RHOBTB1: variants seen among roughly 807,000 people sequenced by gnomAD.
The protein encoded by RHOBTB1 is rho-related BTB domain-containing protein 1.
A neutral mutation model predicts 71.6 loss-of-function variants in RHOBTB1; 40 were observed. The ratio of observed to expected loss-of-function variants is 0.56; its 90% CI spans 0.43 to 0.73. The LOEUF (loss-of-function observed/expected upper bound fraction) is 0.73, where lower values mean the gene tolerates loss of function less well. Ranked by LOEUF, RHOBTB1 falls within the 30% of genes least tolerant of loss-of-function variation. The pLI, the probability that RHOBTB1 is intolerant of heterozygous loss-of-function variation, is 0.00. For synonymous variants in RHOBTB1, 319 were observed against 334.9 expected, an observed-to-expected ratio of 0.95 and a Z score of 0.52; for missense variants, 797 against 894.0, an observed-to-expected ratio of 0.89 and a Z score of 1.38.
chr10:60,932,094 G>A (rs1230633339), intron 2 of RHOBTB1, among the ~76,000 whole-genome samples: 1 of 152,078 alleles, frequency 6.6e-6, no homozygotes, highest in African/African-American at 2.4e-5. Context: ...CAGATTTGTT[G>A]GTATGCATGC....
upstream of RHOBTB1, among the ~76,000 whole-genome samples, chr10:61,001,681 A>G (rs1372800651): frequency 6.6e-6 from 1 of 151,940 alleles, no homozygotes; most frequent in Non-Finnish European, 1.5e-5. Flanking sequence ...CCCAACGCCT[A>G]GGCGGTCCCG....
At chr10:60,927,591 G>A (rs2083962044) in intron 2 of RHOBTB1, among the ~76,000 whole-genome samples, 1 of 152,106 alleles carries the variant, frequency 6.6e-6, no homozygotes, top group Non-Finnish European at 1.5e-5. Flanking sequence ...TTTGACAAAG[G>A]TGCTGAGAAC....
intron 1 of RHOBTB1, among the ~76,000 whole-genome samples, chr10:60,988,369 T>C (rs889990107): frequency 5.3e-5 from 8 of 152,190 alleles, no homozygotes; most frequent in Non-Finnish European, 8.8e-5. Flanking sequence ...ATAGATATAA[T>C]GTGTGATGCT....
chr10:60,955,566 A>T (rs905432464), intron 2 of RHOBTB1, among the ~76,000 whole-genome samples: 6 of 152,198 alleles, frequency 3.9e-5, no homozygotes, highest in African/African-American at 1.4e-4. Context: ...GCTAGCTATC[A>T]TTACAAAGCA....
Position 60,880,263 on chromosome 10 carries a change from C to CAG in RHOBTB1, c.1576-2207_1576-2206dup, listed in dbSNP as rs374461338. On this transcript the variant is annotated intron_variant, in intron 7 of 10. Transcript: ENST00000337910. ...AGACAGAGTGAGAGAGAGTGAGAGA[C>CAG]AGAGAGAGAGAGAGAGAGAGTGTAT... Among the ~76,000 whole-genome samples, 851 of 107,130 alleles carry CAG rather than the reference C, an allele frequency of 7.9e-3. 6 individuals are homozygous for CAG. The highest frequency in any genetic ancestry group is 0.017 in the African/African-American group (517 of 29,836). The allele number at this position is 107,130 out of a possible 152,430, so 70.3% of individuals were successfully genotyped here.
At chr10:60,886,868 AT>A (rs2081608421) in intron 6 of RHOBTB1, among the ~76,000 whole-genome samples, 2 of 151,150 alleles carry the variant, frequency 1.3e-5, no homozygotes, top group Admixed American at 1.3e-4. Flanking sequence ...AATTTTGTGT[AT>A]GTGTATAGAC....
chr10:60,977,261 A>C (rs976673476), intron 2 of RHOBTB1, among the ~76,000 whole-genome samples: 17 of 152,052 alleles, frequency 1.1e-4, no homozygotes, highest in Middle Eastern at 3.2e-3. Context: ...CTTTCAAAGA[A>C]GCAATTTTAC....
intron 4 of RHOBTB1, among the ~76,000 whole-genome samples, chr10:60,905,488 C>CA (rs1160416032): frequency 1.5e-5 from 2 of 130,582 alleles, no homozygotes; most frequent in Non-Finnish European, 3.3e-5. Context: ...CAAATTAAGG[C>CA]AAAAAAATCC....
chr10:60,886,718 G>A (rs10082527), intron 6 of RHOBTB1, among the ~76,000 whole-genome samples: 2 of 89,890 alleles, frequency 2.2e-5, no homozygotes, highest in African/African-American at 8.3e-5. Flanking sequence ...TAAGAGATGT[G>A]GGGGGGGGTG....
At chr10:60,926,735 C>T (rs2083905416) in intron 2 of RHOBTB1, among the ~76,000 whole-genome samples, 1 of 151,990 alleles carries the variant, frequency 6.6e-6, no homozygotes, top group Non-Finnish European at 1.5e-5. Context: ...TATCTCAACA[C>T]AATAAAAGCA....
At chr10:60,897,395 C>T (rs1038747809) in intron 4 of RHOBTB1, among the ~76,000 whole-genome samples, 12 of 152,224 alleles carry the variant, frequency 7.9e-5, no homozygotes, top group African/African-American at 2.7e-4. Flanking sequence ...CACAAAAGTA[C>T]TGTCTTCTTA....
At chr10:60,862,570 CT>C in the RHOBTB1 span, among the ~76,000 whole-genome samples, 2 of 107,530 alleles carry the variant, frequency 1.9e-5, no homozygotes, top group Non-Finnish European at 1.9e-5. Flanking sequence ...TTCTTTCTTT[CT>C]TTTCCTTTTT....
At chr10:60,929,047 C>T (rs1327294021) in intron 2 of RHOBTB1, among the ~76,000 whole-genome samples, 1 of 152,058 alleles carries the variant, frequency 6.6e-6, no homozygotes, top group Non-Finnish European at 1.5e-5. Flanking sequence ...AAGTGCTATA[C>T]ACTTTTAAAC....
At chr10:60,982,652 A>C (rs561559056) in intron 2 of RHOBTB1, among the ~76,000 whole-genome samples, 14 of 152,222 alleles carry the variant, frequency 9.2e-5, no homozygotes, top group African/African-American at 3.1e-4. Context: ...GATGGGCAAA[A>C]TTTCCTCCTA....
At chr10:60,913,766 A>G (rs1589280624) in intron 2 of RHOBTB1, among the ~76,000 whole-genome samples, 1 of 152,254 alleles carries the variant, frequency 6.6e-6, no homozygotes, top group East Asian at 1.9e-4. Context: ...CCTGCCTTAG[A>G]AGGATGTGAG....
intron 2 of RHOBTB1, among the ~76,000 whole-genome samples, chr10:60,914,746 CA>C (rs2083179943): frequency 6.6e-6 from 1 of 152,142 alleles, no homozygotes; most frequent in Non-Finnish European, 1.5e-5. Context: ...GCTATGATTA[CA>C]AAAACTATCA....
intron 2 of RHOBTB1, among the ~76,000 whole-genome samples, chr10:60,913,152 T>G (rs1186977810): frequency 1.1e-4 from 17 of 152,236 alleles, no homozygotes; most frequent in Admixed American, 1.1e-3. Context: ...AGAATTCTTT[T>G]TCACAGTTAG....
chr10:60,992,231 G>T (rs1565209691), intron 1 of RHOBTB1, among the ~76,000 whole-genome samples: 1 of 152,172 alleles, frequency 6.6e-6, no homozygotes, highest in African/African-American at 2.4e-5. Flanking sequence ...TCTCATTCAC[G>T]CTTAGTAGTG....
At chr10:60,907,966 A>G (rs1354907631) in intron 4 of RHOBTB1, among the ~76,000 whole-genome samples, 1 of 152,212 alleles carries the variant, frequency 6.6e-6, no homozygotes, top group Non-Finnish European at 1.5e-5. Context: ...TCCTGAAAGG[A>G]TTAACTAATG....
Sources: gnomAD v4.1 joint callset for allele counts (sites outside exome capture counted in the v4.1 genomes callset) on GRCh38, gnomAD v4.1.1 for gene constraint, MANE v1.5 for transcripts, NCBI Gene and HGNC (gene_info 2026-07-23, HGNC 2026-07-21) for gene names.